Variants in DMD observed in about 807,000 individuals in gnomAD.
The protein encoded by DMD is mutant dystrophin.
In DMD, 63 loss-of-function variants were observed where a neutral mutation model predicts 330.1. The ratio of observed to expected loss-of-function variants is 0.19; its 90% CI spans 0.16 to 0.24. The LOEUF is 0.24. DMD is among the 10% of genes least tolerant of loss of function. DMD has a pLI of 1.00. For synonymous variants in DMD, 1,223 were observed against 959.8 expected, an observed-to-expected ratio of 1.27 and a Z score of -5.07; for missense variants, 3,344 against 2,684.1, an observed-to-expected ratio of 1.25 and a Z score of -5.43.
chrX:32,267,333 T>A (rs970386812), intron 43 of DMD, among the ~76,000 whole-genome samples: 3 of 112,375 alleles, frequency 2.7e-5, no homozygotes, highest in Non-Finnish European at 5.6e-5. Flanking sequence ...ACTCTTTATG[T>A]TACAACCTAT....
chrX:32,794,438 A>C (rs1345560678), intron 7 of DMD, among the ~76,000 whole-genome samples: 1 of 110,833 alleles, frequency 9.0e-6, no homozygotes, highest in Non-Finnish European at 1.9e-5. Context: ...AAATACAAAA[A>C]ATTAGCCGGG....
At chrX:31,831,286 G>A (rs1008427868) in intron 49 of DMD, among the ~76,000 whole-genome samples, 2 of 112,015 alleles carry the variant, frequency 1.8e-5, no homozygotes, top group Admixed American at 9.5e-5. Flanking sequence ...ATATACATAC[G>A]AAGGGTTTGA....
intron 2 of DMD, among the ~76,000 whole-genome samples, chrX:32,858,518 C>T (rs12008886): frequency 0.17 from 18,814 of 110,174 alleles, 1,578 homozygotes; most frequent in African/African-American, 0.31. Context: ...TTAGTAGAGA[C>T]GGGGTTTCAC....
intron 43 of DMD, among the ~76,000 whole-genome samples, chrX:32,243,814 G>A (rs757457388): frequency 9.0e-6 from 1 of 111,266 alleles, no homozygotes; most frequent in South Asian, 3.8e-4. Context: ...GTACACAAAA[G>A]AAGAGGTTCT....
intron 55 of DMD, among the ~76,000 whole-genome samples, chrX:31,558,352 T>C (rs1489077090): frequency 9.0e-6 from 1 of 111,369 alleles, no homozygotes; most frequent in African/African-American, 3.3e-5. Context: ...TGTATATGTG[T>C]GATACTGCAG....
chrX:32,050,112 C>A (rs1261323476), intron 44 of DMD, among the ~76,000 whole-genome samples: 1 of 111,491 alleles, frequency 9.0e-6, no homozygotes, highest in Non-Finnish European at 1.9e-5. Context: ...ACACTAAAGA[C>A]AATTATGCAT....
intron 44 of DMD, among the ~76,000 whole-genome samples, chrX:32,142,014 C>A (rs1017416524): frequency 9.0e-6 from 1 of 111,634 alleles, no homozygotes; most frequent in Non-Finnish European, 1.9e-5. Context: ...TGGCAACATA[C>A]CTTCCTTCAT....
intron 54 of DMD, among the ~76,000 whole-genome samples, chrX:31,647,466 A>G (rs1385321507): frequency 8.9e-6 from 1 of 112,300 alleles, no homozygotes; most frequent in African/African-American, 3.2e-5. Context: ...ATAAAAACAT[A>G]AAATCATAAA....
intron 55 of DMD, among the ~76,000 whole-genome samples, chrX:31,586,973 A>G (rs1236102378): frequency 8.9e-6 from 1 of 111,834 alleles, no homozygotes; most frequent in Non-Finnish European, 1.9e-5. Context: ...TGAAAAATTG[A>G]TTGCATCTAG....
chrX:32,045,051 CA>C (rs967537483), intron 44 of DMD, among the ~76,000 whole-genome samples: 33 of 110,109 alleles, frequency 3.0e-4, no homozygotes, highest in African/African-American at 1.0e-3. Context: ...GTATTGTCCT[CA>C]GTGTAGTGAG....
At chrX:32,785,512 G>C (rs749593626) in intron 7 of DMD, among the ~76,000 whole-genome samples, 1 of 111,262 alleles carries the variant, frequency 9.0e-6, no homozygotes, top group Non-Finnish European at 1.9e-5. Flanking sequence ...AGAAGGCTAG[G>C]TAAGGAGTAT....
chrX:31,814,272 G>C (rs1347679018), intron 50 of DMD, among the ~76,000 whole-genome samples: 1 of 108,247 alleles, frequency 9.2e-6, no homozygotes, highest in Non-Finnish European at 1.9e-5. Flanking sequence ...ACGAGGTCAG[G>C]AGATCGAGAC....
At position 32,760,375 on chromosome X, in the gene DMD, C is replaced by G. The variant is rs187318450; in HGVS notation, c.649+49118G>C. On this transcript the variant is annotated intron_variant, in intron 7 of 78. Coordinates refer to ENST00000357033, the MANE Select transcript of DMD (RefSeq NM_004006.3). ...ATAAATGTTAGGCAGAAAGCCTTCT[C>G]TATCTCTCTTCACCTTCCAGGGCAA... Among the ~76,000 whole-genome samples the G allele has an allele frequency of 4.5e-5, 5 of 112,046 alleles. No individual in the cohort carries two copies. The East Asian group carries it at 1.4e-3, about 32-fold the overall frequency.
At chrX:32,563,595 G>A (rs1222253206) in intron 16 of DMD, among the ~76,000 whole-genome samples, 1 of 111,310 alleles carries the variant, frequency 9.0e-6, no homozygotes, top group Non-Finnish European at 1.9e-5. Context: ...TATACAAGTT[G>A]GAAGACATCA....
intron 64 of DMD, among the ~76,000 whole-genome samples, chrX:31,218,012 G>C (rs950583894): frequency 4.9e-4 from 55 of 111,254 alleles, no homozygotes; most frequent in African/African-American, 1.7e-3. Context: ...CACCTCAAAT[G>C]GACAAAATTT....
chrX:32,867,403 A>G lies in DMD; in HGVS notation c.94-17583T>C, dbSNP rs193276109. Among the ~76,000 whole-genome samples the G allele has an allele frequency of 5.4e-3, 607 of 112,283 alleles. 4 individuals carry two copies. Among genetic ancestry groups the G allele is most frequent in the African/African-American group, 0.019 (585 of 30,953 alleles). On this transcript the variant is annotated intron_variant, in intron 2 of 78. Transcript: ENST00000357033. ...GCATTTTAAAATAAAGTTGAATAAG[A>G]GCCAAAGGAAAGTAGAGTTGACAAT...
intron 44 of DMD, among the ~76,000 whole-genome samples, chrX:32,069,061 G>T (rs973104719): frequency 5.4e-5 from 6 of 111,712 alleles, no homozygotes; most frequent in Non-Finnish European, 9.4e-5. Context: ...TTAAAAGTTT[G>T]GGGGACGTAA....
intron 67 of DMD, among the ~76,000 whole-genome samples, chrX:31,201,806 T>G (rs1384719780): frequency 1.8e-5 from 2 of 112,206 alleles, no homozygotes; most frequent in Non-Finnish European, 3.8e-5. Context: ...CACTGAGCCT[T>G]ACCTTTAACC....
At chrX:32,625,939 T>C (rs1426891821) in intron 11 of DMD, among the ~76,000 whole-genome samples, 3 of 111,838 alleles carry the variant, frequency 2.7e-5, no homozygotes, top group African/African-American at 9.8e-5. Flanking sequence ...TGTATTATAA[T>C]GAAAGTCTAG....
Sources: allele counts gnomAD v4.1 joint callset (sites outside exome capture counted in the v4.1 genomes callset), GRCh38; gene constraint gnomAD v4.1.1; transcripts MANE v1.5; gene names NCBI Gene and HGNC (gene_info 2026-07-23, HGNC 2026-07-21).